Variants in DNAH3 observed in about 807,000 individuals in gnomAD.
DNAH3 encodes axonemal beta dynein heavy chain 3.
Under a neutral mutation model 432.5 loss-of-function variants are expected in DNAH3, and 332 were observed. The observed-to-expected ratio is 0.77, with a 90% confidence interval of 0.70 to 0.84. DNAH3 has a LOEUF of 0.84. Among genes scored for constraint, DNAH3 ranks in the 40% least tolerant of loss-of-function variants. The pLI, the probability that DNAH3 is intolerant of heterozygous loss-of-function variation, is 0.00. For synonymous variants in DNAH3, 1,956 were observed against 1,900.2 expected (o/e 1.03, Z -0.76); for missense variants, 4,861 against 5,114.0 (o/e 0.95, Z 1.51).
exon 11 of DNAH3, chr16:21,120,806 G>T: frequency 6.2e-7 from 1 of 1,614,096 alleles, no homozygotes. Flanking sequence ...ACACATTGCC[G>T]ATCAGCAGCA....
At chr16:21,073,797 G>A (rs1346368547) in intron 21 of DNAH3, among the ~76,000 whole-genome samples, 1 of 152,138 alleles carries the variant, frequency 6.6e-6, no homozygotes, top group Non-Finnish European at 1.5e-5. Flanking sequence ...TCACAAGACT[G>A]TCGTTCCTGA....
chr16:21,108,066 G>T (rs1016177759), intron 14 of DNAH3, among the ~76,000 whole-genome samples: 5 of 152,048 alleles, frequency 3.3e-5, no homozygotes, highest in African/African-American at 7.2e-5. Context: ...TAGAGATGGG[G>T]TTTCACCATC....
intron 44 of DNAH3, among the ~76,000 whole-genome samples, chr16:20,989,900 T>C (rs991038560): frequency 2.0e-5 from 3 of 152,182 alleles, no homozygotes; most frequent in Admixed American, 6.5e-5. Flanking sequence ...AGTCCCTCAT[T>C]GCCCGGGGCC....
At chr16:21,068,205 T>A (rs1298568714) in intron 23 of DNAH3, among the ~76,000 whole-genome samples, 1 of 152,142 alleles carries the variant, frequency 6.6e-6, no homozygotes, top group Non-Finnish European at 1.5e-5. Flanking sequence ...CCCAGTGAAC[T>A]TACCATCCTT....
intron 11 of DNAH3, among the ~76,000 whole-genome samples, chr16:21,117,697 A>G (rs1272551075): frequency 2.0e-5 from 3 of 152,166 alleles, no homozygotes; most frequent in African/African-American, 7.2e-5. Context: ...CAATTAGATG[A>G]ATGTGTAATG....
At chr16:21,055,830 C>T (rs1208617757) in intron 27 of DNAH3, among the ~76,000 whole-genome samples, 8 of 150,844 alleles carry the variant, frequency 5.3e-5, no homozygotes, top group Non-Finnish European at 1.2e-4. Context: ...ACTGAAACCT[C>T]GACCTCCTGA....
chr16:21,127,671 G>A lies in DNAH3; in HGVS notation c.1208+16C>T, dbSNP rs2092470321. ...AGATACCATGGTGCAGCCCCACTTG[G>A]AGGGCAGATACTGACTTGTTGAGAA... On this transcript the variant is annotated intron_variant, in intron 8 of 61. Transcript: ENST00000261383. 1 of 1,613,614 alleles carries A rather than the reference G, an allele frequency of 6.2e-7. No homozygotes were observed. Among genetic ancestry groups the A allele is most frequent in the African/African-American group, 1.3e-5 (1 of 74,914 alleles).
chr16:20,995,297 A>T (rs544296057), intron 44 of DNAH3, among the ~76,000 whole-genome samples: 14 of 151,940 alleles, frequency 9.2e-5, no homozygotes, highest in Non-Finnish European at 1.8e-4. Flanking sequence ...GCAATGGTGC[A>T]ATCTTGGCTC....
intron 7 of DNAH3, 198 bp downstream of exon 8, chr16:21,134,061 G>A (rs1449735374): frequency 2.1e-5 from 11 of 528,198 alleles, no homozygotes; most frequent in Non-Finnish European, 3.3e-5. Flanking sequence ...AGGGTGCCCT[G>A]GGGACACAAA....
intron 57 of DNAH3, 57 bp from the exon 58 acceptor site, chr16:20,944,720 C>T: frequency 1.9e-6 from 3 of 1,579,186 alleles, no homozygotes; most frequent in Non-Finnish European, 2.6e-6. Flanking sequence ...CCACAGATGA[C>T]TCCAGGCTTA....
chr16:21,097,628 A>G, intron 17 of DNAH3, 129 bp from the exon 18 acceptor site: 1 of 1,141,092 alleles, frequency 8.8e-7, no homozygotes, highest in Non-Finnish European at 1.3e-6. Context: ...GGAGAGTAAG[A>G]GAGGAAACTA....
chr16:21,105,427 T>G (rs1004715214), intron 15 of DNAH3, among the ~76,000 whole-genome samples: 3 of 152,126 alleles, frequency 2.0e-5, no homozygotes, highest in Non-Finnish European at 4.4e-5. Context: ...CACAGGAGCA[T>G]GAAGAAAAGT....
At chr16:21,141,123 A>C (rs1447979145) in intron 4 of DNAH3, among the ~76,000 whole-genome samples, 177 bp downstream of exon 5, 1 of 152,012 alleles carries the variant, frequency 6.6e-6, no homozygotes, top group Non-Finnish European at 1.5e-5. Flanking sequence ...CGGGCAACAG[A>C]GCAAGACTCC....
intron 7 of DNAH3, among the ~76,000 whole-genome samples, chr16:21,131,795 G>C (rs1337366525): frequency 4.7e-5 from 7 of 149,576 alleles, no homozygotes; most frequent in Non-Finnish European, 4.4e-5. Flanking sequence ...CAGAGGTTGC[G>C]GTGAGCCAAG....
At chr16:21,065,141 G>A (rs2090500434) in intron 24 of DNAH3, among the ~76,000 whole-genome samples, 1 of 152,054 alleles carries the variant, frequency 6.6e-6, no homozygotes, top group Non-Finnish European at 1.5e-5. Flanking sequence ...CTGGTGTAAG[G>A]AAATGCTATA....
At chr16:21,127,717 C>T (rs1450762073) in exon 8 of DNAH3, 2 of 1,614,010 alleles carry the variant, frequency 1.2e-6, no homozygotes, top group Admixed American at 1.7e-5. Context: ...TGCCTCCAGG[C>T]AGTGTTTCTG....
intron 44 of DNAH3, among the ~76,000 whole-genome samples, chr16:20,988,641 T>A (rs1411310846): frequency 6.6e-6 from 1 of 152,216 alleles, no homozygotes; most frequent in Non-Finnish European, 1.5e-5. Flanking sequence ...CAATACATGA[T>A]CATTGTAAAA....
intron 47 of DNAH3, among the ~76,000 whole-genome samples, chr16:20,986,065 G>A (rs1282493861): frequency 6.6e-6 from 1 of 151,934 alleles, no homozygotes; most frequent in Non-Finnish European, 1.5e-5. Context: ...ATGTTGGCCA[G>A]GCTGGTCCTG....
rs570445621 is a variant in DNAH3 at position 21,075,824 on chromosome 16, C to T, written c.2970-263G>A. Among the ~76,000 whole-genome samples, 27 of 148,898 alleles carry T rather than the reference C, an allele frequency of 1.8e-4. 1 individual carries two copies. In the South Asian group the frequency reaches 5.6e-3, roughly 31 times the overall value. ...ACTCAGGAGACTGAGGTGGGAGGAT[C>T]GCCTGAGCCTGGGAGGTAGAGGCTG... is the stretch of plus-strand genomic sequence containing the variant. On this transcript the variant is annotated intron_variant, in intron 20 of 61. Coordinates refer to ENST00000261383, the Ensembl canonical transcript of DNAH3.
Sources: gnomAD v4.1 joint callset for allele counts (sites outside exome capture counted in the v4.1 genomes callset) on GRCh38, gnomAD v4.1.1 for gene constraint, MANE v1.5 for transcripts, NCBI Gene and HGNC (gene_info 2026-07-23, HGNC 2026-07-21) for gene names.